The following CES5A variants were observed in gnomAD, a reference collection of about 807,000 sequenced individuals.
CES5A encodes the protein carboxylesterase 5.
A neutral mutation model predicts 62.9 loss-of-function variants in CES5A; 67 were observed. That is an observed-to-expected ratio of 1.07 (90% confidence interval 0.88 to 1.31). CES5A has a LOEUF of 1.31. Among genes scored for constraint, CES5A ranks in the 50% most tolerant of loss-of-function variants. The pLI, the probability that CES5A is intolerant of heterozygous loss-of-function variation, is 0.00. For missense variants in CES5A, 748 were observed against 708.5 expected (o/e 1.06, Z -0.63); for synonymous variants, 296 against 280.8 (o/e 1.05, Z -0.54).
rs540936190 is a variant in CES5A at position 55,946,625 on chromosome 16, T to C, written c.160+3160A>G. Among the ~76,000 whole-genome samples the C allele has an allele frequency of 1.8e-3, 269 of 152,252 alleles. 6 individuals carry two copies. The highest frequency in any genetic ancestry group is 7.4e-4 in the Non-Finnish European group (50 of 68,022). On this transcript the variant is annotated intron_variant, in intron 2 of 13. Transcript: ENST00000521992. ...GCTTAGGGAATGTTTTCTGGAAGAG[T>C]GTGTACCTTGGGTTGAGTTTTGGAA...
Position 55,846,845 on chromosome 16 carries a change from A to G in CES5A, c.1424-5T>C. The G allele has an allele frequency of 1.2e-6, 2 of 1,613,746 alleles. No individual in the cohort carries two copies. Among genetic ancestry groups the G allele is most frequent in the Non-Finnish European group, 1.7e-6 (2 of 1,179,742 alleles). ...TCTCCTCCTCCGTGGCTCCTTCTGA[A>G]GGAGATAATCACAAAATGCTGCTGC... On this transcript the variant is annotated splice_region_variant and splice_polypyrimidine_tract_variant and intron_variant, in intron 11 of 12. Coordinates refer to ENST00000290567, the MANE Select transcript of CES5A (RefSeq NM_001143685.2).
intron 6 of CES5A, 102 bp from the exon 7 acceptor site, chr16:55,861,618 T>C (rs139112589): frequency 0.011 from 8,658 of 782,652 alleles, 70 homozygotes; most frequent in Non-Finnish European, 0.016. Context: ...TGGCCCTCCA[T>C]ATATGAGTCC....
chr16:55,891,501 G>A (rs2033877674), intron 1 of CES5A, among the ~76,000 whole-genome samples: 1 of 152,154 alleles, frequency 6.6e-6, no homozygotes, highest in Non-Finnish European at 1.5e-5. Context: ...AATGAACATT[G>A]GTTCATTCCA....
intron 2 of CES5A, among the ~76,000 whole-genome samples, chr16:55,940,790 TA>T (rs147063205): frequency 0.03 from 4,617 of 151,596 alleles, 254 homozygotes; most frequent in African/African-American, 0.11. Flanking sequence ...GCAACCAAAT[TA>T]AAAAAACACA....
chr16:55,871,498 G>C (rs1177276376), intron 3 of CES5A, 127 bp downstream of exon 3: 1 of 1,014,722 alleles, frequency 9.9e-7, no homozygotes, highest in Non-Finnish European at 1.4e-6. Flanking sequence ...AAAAATTGTT[G>C]ATGTGATTAC....
chr16:55,852,623 T>G (rs114985056), intron 10 of CES5A, among the ~76,000 whole-genome samples: 6 of 151,904 alleles, frequency 3.9e-5, no homozygotes, highest in Non-Finnish European at 8.8e-5. Context: ...GCCCAGAAAA[T>G]TATAGGGAGA....
intron 1 of CES5A, among the ~76,000 whole-genome samples, chr16:55,891,752 G>T (rs1462110448): frequency 6.6e-6 from 1 of 152,088 alleles, no homozygotes; most frequent in Non-Finnish European, 1.5e-5. Context: ...GTGGTTTTGG[G>T]GGTCCATGAT....
intron 2 of CES5A, 65 bp downstream of exon 2, chr16:55,873,768 G>C: frequency 7.1e-7 from 1 of 1,410,030 alleles, no homozygotes; most frequent in Non-Finnish European, 9.8e-7. Flanking sequence ...ACACTGGGCT[G>C]CATGACCTGA....
At chr16:55,868,619 TC>T (rs1390986814) in intron 4 of CES5A, among the ~76,000 whole-genome samples, 1 of 152,192 alleles carries the variant, frequency 6.6e-6, no homozygotes, top group East Asian at 1.9e-4. Context: ...GCATTATCTC[TC>T]CCATAGTCAG....
At chr16:55,916,158 A>G (rs2034146471) in intron 1 of CES5A, among the ~76,000 whole-genome samples, 1 of 152,218 alleles carries the variant, frequency 6.6e-6, no homozygotes, top group Non-Finnish European at 1.5e-5. Context: ...AGGTACAGCC[A>G]TTGGTACTCA....
chr16:55,876,259 T>A (rs938096890), upstream of CES5A, among the ~76,000 whole-genome samples: 2 of 152,252 alleles, frequency 1.3e-5, no homozygotes, highest in Non-Finnish European at 1.5e-5. Flanking sequence ...TTACTTGATT[T>A]TTTTTCTTTA....
At chr16:55,860,229 C>G (rs1286212029) in intron 7 of CES5A, among the ~76,000 whole-genome samples, 1 of 152,118 alleles carries the variant, frequency 6.6e-6, no homozygotes, top group East Asian at 1.9e-4. Context: ...TGAGACCTCC[C>G]CAGCCATGTG....
intron 1 of CES5A, among the ~76,000 whole-genome samples, chr16:55,902,723 C>A (rs147808794): frequency 6.6e-6 from 1 of 152,196 alleles, no homozygotes; most frequent in African/African-American, 2.4e-5. Context: ...CAGATATAAT[C>A]TTATGCCTCT....
chr16:55,926,686 G>T (rs1356634914), upstream of CES5A, among the ~76,000 whole-genome samples: 1 of 152,280 alleles, frequency 6.6e-6, no homozygotes, highest in African/African-American at 2.4e-5. Context: ...GCTGGAGAAG[G>T]ACTCTCTGGT....
rs756976918 is a variant in CES5A, at chr16:55,869,720, C to T, written c.442G>A (p.Ala148Thr). 12 of 1,606,242 alleles carry T rather than the reference C, an allele frequency of 7.5e-6. No homozygotes were observed. The South Asian group carries it at 1.0e-4, about 13-fold the overall frequency. ...LPVLVWFPGG[A>T]FKTGSASIFD... ...ATGGAGGCTGAGCCAGTCTTGAAGG[C>T]ACCTCCTGGGAACCACACCAAGACC... Residue 148 changes from alanine to threonine, a missense_variant, in exon 4 of 13, where the codon GCC becomes ACC. Physicochemically the swap from Ala to Thr is moderately conservative, Grantham distance 58 (BLOSUM62 0). Coordinates refer to ENST00000290567, the MANE Select transcript of CES5A (RefSeq NM_001143685.2).
chr16:55,859,713 A>C, intron 7 of CES5A, 26 bp from the exon 8 acceptor site: 6 of 1,579,896 alleles, frequency 3.8e-6, no homozygotes, highest in Non-Finnish European at 4.3e-6. Context: ...AAAAAAAATC[A>C]TCAGCTATCA....
intron 1 of CES5A, among the ~76,000 whole-genome samples, chr16:55,899,431 T>C (rs1373672691): frequency 6.6e-6 from 1 of 152,182 alleles, no homozygotes; most frequent in Non-Finnish European, 1.5e-5. Context: ...AGAGGCCCCA[T>C]GAAAAATCCA....
chr16:55,932,671 C>T (rs79361847), intron 2 of CES5A, among the ~76,000 whole-genome samples: 3,838 of 152,168 alleles, frequency 0.025, 59 homozygotes, highest in Non-Finnish European at 0.029. Context: ...ATGAGACCAA[C>T]CAGGCAGAGG....
intron 2 of CES5A, among the ~76,000 whole-genome samples, chr16:55,930,612 C>T (rs1157493755): frequency 6.6e-6 from 1 of 152,238 alleles, no homozygotes; most frequent in South Asian, 2.1e-4. Flanking sequence ...CGATTTTGGA[C>T]TTCCCAGTCT....
Sources: gnomAD v4.1 joint callset for allele counts (sites outside exome capture counted in the v4.1 genomes callset) on GRCh38, gnomAD v4.1.1 for gene constraint, MANE v1.5 for transcripts, NCBI Gene and HGNC (gene_info 2026-07-23, HGNC 2026-07-21) for gene names.